Variants in COMMD7 observed in about 807,000 individuals in gnomAD.
COMMD7 encodes the protein COMM domain-containing protein 7.
A neutral mutation model predicts 34.8 loss-of-function variants in COMMD7; 28 were observed. The ratio of observed to expected loss-of-function variants is 0.80; its 90% CI spans 0.60 to 1.10. COMMD7 has a LOEUF of 1.10. COMMD7 is among the 50% of genes least tolerant of loss of function. The pLI is 0.00. For synonymous variants in COMMD7, 80 were observed against 86.4 expected, an observed-to-expected ratio of 0.93 and a Z score of 0.41; for missense variants, 211 against 241.6, an observed-to-expected ratio of 0.87 and a Z score of 0.84.
At chr20:32,737,307 T>C (rs1601008289) in intron 1 of COMMD7, among the ~76,000 whole-genome samples, 1 of 142,076 alleles carries the variant, frequency 7.0e-6, no homozygotes, top group South Asian at 2.2e-4. Context: ...GAGACAGAGG[T>C]TGCAGTGAGC....
chr20:32,725,165 A>G (rs1216681042), intron 3 of COMMD7, among the ~76,000 whole-genome samples: 1 of 151,846 alleles, frequency 6.6e-6, no homozygotes, highest in Non-Finnish European at 1.5e-5. Flanking sequence ...TCTATGGGAT[A>G]TTATATCCAT....
At chr20:32,726,058 G>GT (rs1985492366) in intron 3 of COMMD7, among the ~76,000 whole-genome samples, 2 of 95,958 alleles carry the variant, frequency 2.1e-5, no homozygotes, top group Admixed American at 1.2e-4. Flanking sequence ...GCAAAAGCCT[G>GT]TCTCAAAAAA....
chr20:32,737,754 C>A (rs1198720093), intron 1 of COMMD7, among the ~76,000 whole-genome samples: 1 of 151,628 alleles, frequency 6.6e-6, no homozygotes, highest in Non-Finnish European at 1.5e-5. Context: ...AGGAGGACTC[C>A]TTGAGCCCAG....
Position 32,712,727 on chromosome 20 carries a change from CT to C in COMMD7, c.242-5968del, listed in dbSNP as rs377281207. ...AACACAGATAACTTTGAGATGGTCCCTTTTTTTTTTTTGACACGGAGACTTT... is the reference window on the plus strand; with the variant it reads ...AACACAGATAACTTTGAGATGGTCCCTTTTTTTTTTTGACACGGAGACTTT... On this transcript the variant is annotated intron_variant, in intron 3 of 8. Coordinates refer to ENST00000278980, the MANE Select transcript of COMMD7 (RefSeq NM_053041.3). Among the ~76,000 whole-genome samples, 339 of 130,150 alleles carry C rather than the reference CT, an allele frequency of 2.6e-3. 2 individuals are homozygous for C. The highest frequency in any genetic ancestry group is 6.9e-3 in the African/African-American group (241 of 35,040). 85.4% of individuals were successfully genotyped at this position (130,150 alleles called of 152,430 possible). A position where few individuals can be genotyped will look rare whatever the true frequency, so the allele number is the denominator to read the frequency against.
At chr20:32,709,055 C>T (rs1027536658) in intron 3 of COMMD7, among the ~76,000 whole-genome samples, 2 of 152,080 alleles carry the variant, frequency 1.3e-5, no homozygotes, top group African/African-American at 4.8e-5. Flanking sequence ...AATTGCACTG[C>T]CAAGAATTCA....
Position 32,712,269 on chromosome 20 carries a change from CAAAAAAAAAA to C in COMMD7, c.242-5519_242-5510del, listed in dbSNP as rs56096713. On this transcript the variant is annotated intron_variant, in intron 3 of 8. Transcript: ENST00000278980. ...TGGGCCACAGAGCAAGACTCCGTCT[CAAAAAAAAAA>C]AAAAAAAAAAAAAAAGAGAGAGATC... Among the ~76,000 whole-genome samples the C allele has an allele frequency of 3.9e-4, 28 of 71,820 alleles. 1 individual carries two copies. Among genetic ancestry groups the C allele is most frequent in the Admixed American group, 2.8e-3 (13 of 4,616 alleles). The allele number at this position is 71,820 out of a possible 152,430, so 47.1% of individuals were successfully genotyped here. A position where few individuals can be genotyped will look rare whatever the true frequency, so the allele number is the denominator to read the frequency against.
chr20:32,703,910 C>T lies in COMMD7; in HGVS notation c.526+113G>A, dbSNP rs1983898874. On this transcript the variant is annotated intron_variant, in intron 8 of 8. Coordinates refer to ENST00000278980, the MANE Select transcript of COMMD7 (RefSeq NM_053041.3). ...GAAAGGCAGTGGAACAGCTACTCCA[C>T]AGCTGGCAATGACTGTTTTTATAGA... 5 of 1,574,604 alleles carry T rather than the reference C, an allele frequency of 3.2e-6. No homozygotes were observed. The East Asian group carries it at 9.3e-5, about 29-fold the overall frequency.
chr20:32,718,184 C>A (rs1984923708), intron 3 of COMMD7, among the ~76,000 whole-genome samples: 1 of 150,196 alleles, frequency 6.7e-6, no homozygotes, highest in African/African-American at 2.5e-5. Flanking sequence ...GCGGGCAGAT[C>A]ACAAGGTCAG....
intron 3 of COMMD7, among the ~76,000 whole-genome samples, chr20:32,709,571 C>T (rs2145717804): frequency 6.6e-6 from 1 of 152,286 alleles, no homozygotes; most frequent in South Asian, 2.1e-4. Flanking sequence ...ATGACAAAAA[C>T]AACAAACAAA....
intron 5 of COMMD7, among the ~76,000 whole-genome samples, chr20:32,705,638 G>T (rs1479917734): frequency 6.6e-6 from 1 of 152,126 alleles, no homozygotes; most frequent in Non-Finnish European, 1.5e-5. Flanking sequence ...CTCCCAAAGT[G>T]TTGGGATTAC....
chr20:32,740,620 T>A (rs2424893), intron 1 of COMMD7, among the ~76,000 whole-genome samples: 106,301 of 151,632 alleles, frequency 0.7, 38,031 homozygotes, highest in Middle Eastern at 0.84. Flanking sequence ...ACTACAAAAG[T>A]GCCAAAAAGT....
intron 3 of COMMD7, among the ~76,000 whole-genome samples, chr20:32,714,079 C>T (rs1984628368): frequency 6.6e-6 from 1 of 152,076 alleles, no homozygotes; most frequent in African/African-American, 2.4e-5. Context: ...TGCCACTGCA[C>T]TCCAGCCTGG....
rs577549357 is a variant in COMMD7 at position 32,727,875 on chromosome 20, C to G, written c.241+18G>C. 1 of 1,571,604 alleles carries G rather than the reference C, an allele frequency of 6.4e-7. No individual in the cohort carries two copies. The highest frequency in any genetic ancestry group is 1.1e-5 in the South Asian group (1 of 90,154). ...AAGTTAATGTCTCTGGCCACAGCTG[C>G]TAAGAGAGGTTACTCACCATTTGGA... On this transcript the variant is annotated intron_variant, in intron 3 of 8. Coordinates refer to ENST00000278980, the MANE Select transcript of COMMD7 (RefSeq NM_053041.3).
rs1194353551 is a variant in COMMD7 at position 32,743,293 on chromosome 20, C to G, written c.84+15G>C. On this transcript the variant is annotated intron_variant, in intron 1 of 8. Transcript: ENST00000278980. ...CACCTGGGCCCCGCGCCCCACGCCC[C>G]GCCGCCGGGCCCACCTGCGCGCCCA... 2.0e-6 allele frequency: 3 copies of G among 1,512,756 alleles called. No individual in the cohort carries two copies. Among genetic ancestry groups the G allele is most frequent in the Non-Finnish European group, 2.6e-6 (3 of 1,136,414 alleles). The allele number at this position is 1,512,756 out of a possible 1,614,324, so 93.7% of individuals were successfully genotyped here. A position where few individuals can be genotyped will look rare whatever the true frequency, so the allele number is the denominator to read the frequency against.
At position 32,743,364 on chromosome 20, in the gene COMMD7, G is replaced by C; in HGVS notation, c.28C>G (p.Pro10Ala). The change falls in exon 1 of 9, where the codon CCG becomes GCG. Residue 10 changes from proline (P) to alanine (A), a missense_variant. By Grantham distance (27) the Pro-to-Ala change is conservative. Transcript: ENST00000278980. Reference sequence around the variant, plus strand: ...TCGCCGCCCACGGCCTCCGGCACCGGGTCCTCAGTGCAGTGCAGGCGGCCC... The same window carrying C: ...TCGCCGCCCACGGCCTCCGGCACCGCGTCCTCAGTGCAGTGCAGGCGGCCC... MGRLHCTED[P>A]VPEAVGGDMQ... The C allele has an allele frequency of 1.3e-6, 2 of 1,512,048 alleles. No individual in the cohort carries two copies. Among genetic ancestry groups the C allele is most frequent in the African/African-American group, 1.4e-5 (1 of 70,500 alleles). The allele number at this position is 1,512,048 out of a possible 1,614,324, so 93.7% of individuals were successfully genotyped here. A position where few individuals can be genotyped will look rare whatever the true frequency, so the allele number is the denominator to read the frequency against.
At chr20:32,703,963 GC>G (rs762843778) in intron 8 of COMMD7, 59 bp downstream of exon 8, 6 of 1,612,498 alleles carry the variant, frequency 3.7e-6, no homozygotes, top group Non-Finnish European at 5.1e-6. Context: ...AGCGTCACCA[GC>G]CCCTGATTGC....
chr20:32,733,851 C>T (rs1985983789), intron 1 of COMMD7, among the ~76,000 whole-genome samples: 1 of 149,828 alleles, frequency 6.7e-6, no homozygotes, highest in African/African-American at 2.5e-5. Flanking sequence ...CACGATTGCA[C>T]TCCAGCCTGG....
Position 32,715,376 on chromosome 20 carries a change from G to A in COMMD7, c.242-8616C>T, listed in dbSNP as rs867009683. Among the ~76,000 whole-genome samples, 35 of 143,954 alleles carry A rather than the reference G, an allele frequency of 2.4e-4. 1 individual carries two copies. The highest frequency in any genetic ancestry group is 1.4e-3 in the Admixed American group (20 of 14,036). 94.4% of individuals were successfully genotyped at this position (143,954 alleles called of 152,430 possible). A position where few individuals can be genotyped will look rare whatever the true frequency, so the allele number is the denominator to read the frequency against. ...CATGCACTTGTGGTCCCAGCTACTC[G>A]GGAGGCTGAGGTGGGAGGCTCACTG... On this transcript the variant is annotated intron_variant, in intron 3 of 8. Coordinates refer to ENST00000278980, the MANE Select transcript of COMMD7 (RefSeq NM_053041.3).
chr20:32,736,348 T>C (rs558733649), intron 1 of COMMD7, among the ~76,000 whole-genome samples: 1 of 152,218 alleles, frequency 6.6e-6, no homozygotes, highest in East Asian at 1.9e-4. Context: ...AAGTTGCTTA[T>C]TAGGAGAAAG....
Sources: allele counts gnomAD v4.1 joint callset (sites outside exome capture counted in the v4.1 genomes callset), GRCh38; gene constraint gnomAD v4.1.1; transcripts MANE v1.5; gene names NCBI Gene and HGNC (gene_info 2026-07-23, HGNC 2026-07-21).